SCMH1: variants seen among roughly 807,000 people sequenced by gnomAD.
SCMH1 encodes the protein polycomb protein SCMH1.
A neutral mutation model predicts 70.8 loss-of-function variants in SCMH1; 37 were observed. The observed-to-expected ratio is 0.52, with a 90% CI of 0.40 to 0.69. The LOEUF (loss-of-function observed/expected upper bound fraction) is 0.69, where lower values mean the gene tolerates loss of function less well. Ranked by LOEUF, SCMH1 falls within the 30% of genes least tolerant of loss-of-function variation. The probability of loss-of-function intolerance (pLI) is 0.00; values close to 1 mark genes in which losing one functional copy is unlikely to be tolerated. For synonymous variants in SCMH1, 292 were observed against 307.4 expected (o/e 0.95, Z 0.52); for missense variants, 607 against 827.3 (o/e 0.73, Z 3.27).
chr1:41,163,718 T>C (rs878938504), intron 2 of SCMH1, among the ~76,000 whole-genome samples: 5 of 152,202 alleles, frequency 3.3e-5, no homozygotes, highest in Admixed American at 1.3e-4. Context: ...CTTAGACTTC[T>C]AGCCTTCAGA....
intron 5 of SCMH1, among the ~76,000 whole-genome samples, chr1:41,146,116 T>C (rs1438234529): frequency 1.3e-5 from 2 of 151,956 alleles, no homozygotes; most frequent in African/African-American, 4.8e-5. Context: ...GACCTTCCAG[T>C]AGGCTCAGAA....
At chr1:41,161,789 T>C (rs940276524) in intron 2 of SCMH1, among the ~76,000 whole-genome samples, 6 of 152,314 alleles carry the variant, frequency 3.9e-5, no homozygotes, top group Non-Finnish European at 8.8e-5. Context: ...ATTATATTCA[T>C]GGAATGATCA....
intron 5 of SCMH1, among the ~76,000 whole-genome samples, chr1:41,147,540 T>C (rs1486594792): frequency 2.0e-5 from 3 of 152,186 alleles, no homozygotes; most frequent in Non-Finnish European, 4.4e-5. Flanking sequence ...ATTCTATGTA[T>C]GTCAGTTAGG....
Position 41,058,312 on chromosome 1 carries a change from A to G in SCMH1, c.1106-9422T>C, listed in dbSNP as rs200543470. 1.9e-3 allele frequency among the ~76,000 whole-genome samples: 281 copies of G among 150,902 alleles called. 2 individuals are homozygous for G. The highest frequency in any genetic ancestry group is 6.6e-3 in the African/African-American group (270 of 41,128). Reference sequence around the variant, plus strand: ...AGTATGTCTGGGGAAAATATGAGCCACAGACACATCTGTGACTGTTCCAAA... The same window carrying G: ...AGTATGTCTGGGGAAAATATGAGCCGCAGACACATCTGTGACTGTTCCAAA... On this transcript the variant is annotated intron_variant, in intron 10 of 14. Transcript: ENST00000337495.
intron 4 of SCMH1, among the ~76,000 whole-genome samples, chr1:41,156,460 G>A (rs1379520379): frequency 1.3e-5 from 2 of 151,902 alleles, no homozygotes; most frequent in African/African-American, 4.8e-5. Flanking sequence ...TTTGAGACGG[G>A]GTCTTGCTTT....
At chr1:41,185,942 C>A in intron 2 of SCMH1, 179 bp downstream of exon 2, 3 of 481,248 alleles carry the variant, frequency 6.2e-6, no homozygotes, top group Non-Finnish European at 6.8e-6. Flanking sequence ...ATTTAAAAAG[C>A]AAAACTTCAG....
intron 13 of SCMH1, among the ~76,000 whole-genome samples, chr1:41,031,383 T>G (rs1644499698): frequency 6.6e-6 from 1 of 152,036 alleles, no homozygotes; most frequent in Admixed American, 6.6e-5. Context: ...TTTAACTCTC[T>G]CCGGCAAAGG....
Position 41,210,594 on chromosome 1 carries a change from A to T in SCMH1, c.-117-24344T>A, listed in dbSNP as rs965268408. On this transcript the variant is annotated intron_variant, in intron 1 of 14. Coordinates refer to ENST00000337495, the Ensembl canonical transcript of SCMH1. The stretch of plus-strand genomic sequence containing the variant: ...CTGATCTTTTGCAAACCTGACAAAA[A>T]CAAGAAATAGGGGAAGGATTCCCTA... Among the ~76,000 whole-genome samples the T allele has an allele frequency of 5.3e-5, 8 of 152,212 alleles. No homozygotes were observed. In the East Asian group the frequency reaches 1.5e-3, roughly 29 times the overall value.
intron 8 of SCMH1, among the ~76,000 whole-genome samples, chr1:41,088,110 G>A (rs1662286508): frequency 6.6e-6 from 1 of 152,210 alleles, no homozygotes; most frequent in South Asian, 2.1e-4. Context: ...GTGACTCCCA[G>A]GGTATACTGT....
At chr1:41,241,476 C>T (rs2148967335) in intron 1 of SCMH1, among the ~76,000 whole-genome samples, 1 of 151,964 alleles carries the variant, frequency 6.6e-6, no homozygotes, top group South Asian at 2.1e-4. Context: ...CTGACAGCTC[C>T]GGGCCCTAGG....
At chr1:41,132,727 G>T (rs1313749850) in intron 6 of SCMH1, among the ~76,000 whole-genome samples, 5 of 152,022 alleles carry the variant, frequency 3.3e-5, no homozygotes, top group Admixed American at 2.6e-4. Flanking sequence ...TTTGTATAAG[G>T]TGTAAGGAGT....
Position 41,040,654 on chromosome 1 carries a change from TGA to T in SCMH1, c.1499-3115_1499-3114del, listed in dbSNP as rs561150708. On this transcript the variant is annotated intron_variant, in intron 12 of 14. Transcript: ENST00000337495. ...CCGAGGTGGGTGGATCACCTGAGGT[TGA>T]GAGTTCGAGATCAGCCTGACCAACA... Among the ~76,000 whole-genome samples the T allele has an allele frequency of 7.9e-5, 12 of 151,598 alleles. No homozygotes were observed. In the South Asian group the frequency reaches 2.5e-3, roughly 32 times the overall value.
intron 8 of SCMH1, among the ~76,000 whole-genome samples, chr1:41,095,405 A>T (rs1396326062): frequency 6.6e-6 from 1 of 152,216 alleles, no homozygotes; most frequent in East Asian, 1.9e-4. Context: ...GCAGTCCCAC[A>T]GTCACAATTC....
intron 1 of SCMH1, among the ~76,000 whole-genome samples, chr1:41,218,081 T>TAAAAAATGATTTAGATTATATAA (rs1658479950): frequency 6.6e-6 from 1 of 152,216 alleles, no homozygotes; most frequent in Admixed American, 6.5e-5. Flanking sequence ...TTAGATTATA[T>TAAAAAATGATTTAGATTATATAA]AAAAAATGAA....
At chr1:41,150,570 G>A (rs1210710498) in intron 5 of SCMH1, among the ~76,000 whole-genome samples, 2 of 152,106 alleles carry the variant, frequency 1.3e-5, no homozygotes, top group Non-Finnish European at 2.9e-5. Flanking sequence ...TGTTTCAGGT[G>A]GAAGTATAAA....
intron 8 of SCMH1, among the ~76,000 whole-genome samples, chr1:41,084,226 A>G (rs1354705967): frequency 6.6e-6 from 1 of 152,232 alleles, no homozygotes; most frequent in Non-Finnish European, 1.5e-5. Flanking sequence ...CAACCTATTC[A>G]TCTGACAAAG....
At chr1:41,107,660 C>G (rs977330506) in intron 8 of SCMH1, among the ~76,000 whole-genome samples, 1 of 152,168 alleles carries the variant, frequency 6.6e-6, no homozygotes, top group African/African-American at 2.4e-5. Context: ...GCTGGGACTA[C>G]AGGTGGGCAC....
chr1:41,090,336 G>T (rs1218366412), intron 8 of SCMH1, among the ~76,000 whole-genome samples: 2 of 151,876 alleles, frequency 1.3e-5, no homozygotes, highest in African/African-American at 2.4e-5. Flanking sequence ...TTATATTTTT[G>T]CAAATCTCTT....
chr1:41,207,084 ACATGCCAAATTGTAAAGAC>A (rs1472055015), intron 1 of SCMH1, among the ~76,000 whole-genome samples: 83 of 152,194 alleles, frequency 5.5e-4, no homozygotes, highest in African/African-American at 1.8e-3. Context: ...TACTGCAAAA[ACATGCCAAATTGTAAAGAC>A]CATCGATGTT....
Sources: gnomAD v4.1 joint callset for allele counts (sites outside exome capture counted in the v4.1 genomes callset) on GRCh38, gnomAD v4.1.1 for gene constraint, MANE v1.5 for transcripts, NCBI Gene and HGNC (gene_info 2026-07-23, HGNC 2026-07-21) for gene names.